Variants in NLGN1 observed in about 807,000 individuals in gnomAD.
NLGN1 encodes neuroligin 1.
A neutral mutation model predicts 65.5 loss-of-function variants in NLGN1; 12 were observed. The observed-to-expected ratio is 0.18, with a 90% CI of 0.12 to 0.30. The LOEUF (loss-of-function observed/expected upper bound fraction) is 0.30. Among genes scored for constraint, NLGN1 ranks in the 10% least tolerant of loss-of-function variants. NLGN1 has a pLI of 1.00. For missense variants in NLGN1, 750 were observed against 1,007.1 expected (o/e 0.74, Z 3.46); for synonymous variants, 350 against 359.5 (o/e 0.97, Z 0.30).
rs148741471 is a variant in NLGN1 at position 173,604,673 on chromosome 3, G to A, written c.75G>A (p.Leu25=). Residue 25 remains leucine, a synonymous_variant, in exon 3 of 7, where the codon TTG becomes TTA. Transcript: ENST00000457714. ...TGGCATGCTTGGTACACCGGGGATTGGGTGCCCCATTGACTCTCTGTATGT... is the reference window on the plus strand; with the variant it reads ...TGGCATGCTTGGTACACCGGGGATTAGGTGCCCCATTGACTCTCTGTATGT... 8.1e-5 allele frequency: 131 copies of A among 1,613,688 alleles called. 1 individual carries two copies. In the African/African-American group the frequency reaches 1.6e-3, roughly 19 times the overall value.
chr3:173,998,973 A>G (rs1050424377), intron 4 of NLGN1, among the ~76,000 whole-genome samples: 7 of 152,174 alleles, frequency 4.6e-5, no homozygotes, highest in Non-Finnish European at 7.3e-5. Context: ...TTCAGTGTCT[A>G]AACTCTTAGC....
At chr3:174,274,527 C>G (rs895699222) in intron 4 of NLGN1, among the ~76,000 whole-genome samples, 8 of 151,540 alleles carry the variant, frequency 5.3e-5, no homozygotes, top group Non-Finnish European at 1.0e-4. Context: ...TTTTCTCTCC[C>G]CCTCATTTTC....
chr3:173,743,925 A>T (rs930246133), intron 3 of NLGN1, among the ~76,000 whole-genome samples: 2 of 152,126 alleles, frequency 1.3e-5, no homozygotes, highest in African/African-American at 4.8e-5. Context: ...AGTTGTCAAT[A>T]CTCCAATTTC....
In NLGN1 at chr3:173,847,739, G is replaced by T. The variant is rs369568748; in HGVS notation, c.646+39907G>T. Among the ~76,000 whole-genome samples the T allele has an allele frequency of 8.8e-4, 134 of 152,246 alleles. 1 individual carries two copies. The South Asian group carries it at 0.027, about 30-fold the overall frequency. On this transcript the variant is annotated intron_variant, in intron 4 of 6. Transcript: ENST00000457714. ...ATACAAAAATTAGCCAGGTGTGGTG[G>T]CATGCGCCTGTAGTCCCACCTACTC...
At chr3:173,588,696 C>G (rs990407587) in intron 2 of NLGN1, among the ~76,000 whole-genome samples, 2 of 152,180 alleles carry the variant, frequency 1.3e-5, no homozygotes, top group Non-Finnish European at 2.9e-5. Flanking sequence ...TTCACTGCTG[C>G]CATTACTGCA....
intron 3 of NLGN1, among the ~76,000 whole-genome samples, chr3:173,716,064 A>G (rs557849807): frequency 6.6e-6 from 1 of 152,310 alleles, no homozygotes; most frequent in South Asian, 2.1e-4. Flanking sequence ...TCTACCATTC[A>G]TACAAAAAAC....
At chr3:173,783,618 G>GT (rs958554392) in intron 3 of NLGN1, among the ~76,000 whole-genome samples, 1 of 152,176 alleles carries the variant, frequency 6.6e-6, no homozygotes, top group East Asian at 1.9e-4. Flanking sequence ...TCATTCATTT[G>GT]TTTTTTTGTT....
At chr3:173,758,960 T>G (rs1188012834) in intron 3 of NLGN1, among the ~76,000 whole-genome samples, 3 of 151,938 alleles carry the variant, frequency 2.0e-5, no homozygotes, top group Non-Finnish European at 4.4e-5. Context: ...GGGTATCTCC[T>G]AATTTTATTG....
At chr3:173,471,461 G>A (rs922912889) in intron 2 of NLGN1, among the ~76,000 whole-genome samples, 5 of 151,956 alleles carry the variant, frequency 3.3e-5, no homozygotes, top group South Asian at 2.1e-4. Context: ...TTCACATGGC[G>A]TTCTATCTGT....
intron 3 of NLGN1, among the ~76,000 whole-genome samples, chr3:173,736,472 T>C (rs1231979768): frequency 1.3e-5 from 2 of 151,934 alleles, no homozygotes; most frequent in African/African-American, 4.8e-5. Flanking sequence ...TCAAAAAAAA[T>C]GGAGGGGAAA....
At chr3:174,140,865 A>G (rs555003971) in intron 4 of NLGN1, among the ~76,000 whole-genome samples, 11 of 152,252 alleles carry the variant, frequency 7.2e-5, no homozygotes, top group African/African-American at 2.6e-4. Context: ...AAGTTGAATA[A>G]TTTTGTATAA....
intron 3 of NLGN1, among the ~76,000 whole-genome samples, chr3:173,753,878 A>T (rs935890774): frequency 2.0e-5 from 3 of 150,548 alleles, no homozygotes; most frequent in African/African-American, 7.3e-5. Flanking sequence ...TACCCTCAGA[A>T]TCTTTAATTG....
At chr3:173,645,661 C>G (rs1322194872) in intron 3 of NLGN1, among the ~76,000 whole-genome samples, 1 of 152,190 alleles carries the variant, frequency 6.6e-6, no homozygotes, top group Non-Finnish European at 1.5e-5. Flanking sequence ...CACTTAGGCT[C>G]TAACTGGTTT....
intron 3 of NLGN1, among the ~76,000 whole-genome samples, chr3:173,741,360 A>G (rs1206044431): frequency 6.6e-6 from 1 of 152,170 alleles, no homozygotes; most frequent in African/African-American, 2.4e-5. Flanking sequence ...AATATTTCTT[A>G]TATACCTACT....
intron 3 of NLGN1, among the ~76,000 whole-genome samples, chr3:173,662,067 G>A (rs969684211): frequency 8.6e-5 from 13 of 151,948 alleles, no homozygotes; most frequent in East Asian, 5.8e-4. Context: ...TTGACTCTCC[G>A]TGTATGGCTT....
intron 4 of NLGN1, among the ~76,000 whole-genome samples, chr3:173,950,836 A>G (rs1748070449): frequency 6.6e-6 from 1 of 151,618 alleles, no homozygotes. Context: ...CCTAAATAAT[A>G]CAAAATAAAT....
chr3:173,508,525 C>T (rs999899467), intron 2 of NLGN1, among the ~76,000 whole-genome samples: 1 of 152,130 alleles, frequency 6.6e-6, no homozygotes, highest in Admixed American at 6.6e-5. Context: ...AACATTATTA[C>T]ATCTTAGAAG....
At chr3:174,014,628 G>A (rs1191311790) in intron 4 of NLGN1, among the ~76,000 whole-genome samples, 1 of 152,174 alleles carries the variant, frequency 6.6e-6, no homozygotes, top group East Asian at 1.9e-4. Context: ...AAAGAGACAT[G>A]CCTCATCTCT....
chr3:174,119,047 T>C (rs1717189814), intron 4 of NLGN1, among the ~76,000 whole-genome samples: 1 of 152,208 alleles, frequency 6.6e-6, no homozygotes, highest in Non-Finnish European at 1.5e-5. Flanking sequence ...TATGCTTTTT[T>C]CTTCGTGCAT....
Sources: allele counts gnomAD v4.1 joint callset (sites outside exome capture counted in the v4.1 genomes callset), GRCh38; gene constraint gnomAD v4.1.1; transcripts MANE v1.5; gene names NCBI Gene and HGNC (gene_info 2026-07-23, HGNC 2026-07-21).